The following ADIPOQ variants were observed in gnomAD, a reference collection of about 807,000 sequenced individuals.
The protein encoded by ADIPOQ is adiponectin.
ADIPOQ carries 19 observed loss-of-function variants against 16.1 expected under a neutral mutation model. The ratio of observed to expected loss-of-function variants is 1.18; its 90% CI spans 0.82 to 1.73. ADIPOQ has a LOEUF of 1.73. Among genes scored for constraint, ADIPOQ ranks in the 40% most tolerant of loss-of-function variants. ADIPOQ has a pLI of 0.00. For missense variants in ADIPOQ, 323 were observed against 308.3 expected (o/e 1.05, Z -0.36); for synonymous variants, 124 against 125.5 (o/e 0.99, Z 0.08).
intron 1 of ADIPOQ, among the ~76,000 whole-genome samples, chr3:186,842,994 C>T (rs896249301): frequency 1.3e-5 from 2 of 152,160 alleles, no homozygotes; most frequent in Non-Finnish European, 2.9e-5. Flanking sequence ...CTGAATTTTG[C>T]CCAGTTCGCT....
chr3:186,854,799 A>G lies in ADIPOQ; in HGVS notation c.*95A>G. ...AGGAAGTTGATTATTATTTAGTTGG[A>G]GGCCTTTAGATATTATTCATTCATT... is the stretch of plus-strand genomic sequence containing the variant. On this transcript the variant is annotated 3_prime_UTR_variant, in exon 3 of 3. Transcript: ENST00000320741. The G allele has an allele frequency of 6.8e-7, 1 of 1,480,992 alleles. No homozygotes were observed. The highest frequency in any genetic ancestry group is 1.2e-5 in the South Asian group (1 of 86,866). 91.7% of individuals were successfully genotyped at this position (1,480,992 alleles called of 1,614,324 possible). A position where few individuals can be genotyped will look rare whatever the true frequency, so the allele number is the denominator to read the frequency against.
At chr3:186,853,550 A>G (rs1268487436) in intron 2 of ADIPOQ, among the ~76,000 whole-genome samples, 1 of 152,018 alleles carries the variant, frequency 6.6e-6, no homozygotes, top group African/African-American at 2.4e-5. Flanking sequence ...TCATATTCTG[A>G]TTCCTCTTTC....
intron 1 of ADIPOQ, among the ~76,000 whole-genome samples, chr3:186,848,714 A>G (rs1711653216): frequency 6.6e-6 from 1 of 152,226 alleles, no homozygotes; most frequent in Non-Finnish European, 1.5e-5. Context: ...AGAGCGCAAG[A>G]TGCTAGCGAC....
intron 1 of ADIPOQ, among the ~76,000 whole-genome samples, chr3:186,844,197 T>C (rs903311279): frequency 2.6e-5 from 4 of 151,730 alleles, no homozygotes; most frequent in Non-Finnish European, 5.9e-5. Flanking sequence ...TCTTGAGGAG[T>C]CTTTTTTTGG....
Position 186,853,037 on chromosome 3 carries a change from C to A in ADIPOQ, c.-8-14C>A. ...CTGTCTCTCCATGGCTGACAGTGCA[C>A]ATGTGGATTCCAGGGCTCAGGATGC... On this transcript the variant is annotated splice_polypyrimidine_tract_variant and intron_variant, in intron 1 of 2. Transcript: ENST00000320741. 6.2e-7 allele frequency: 1 copy of A among 1,613,994 alleles called. No homozygotes were observed. Among genetic ancestry groups the A allele is most frequent in the South Asian group, 1.1e-5 (1 of 91,050 alleles).
chr3:186,851,032 G>A (rs575514317), intron 1 of ADIPOQ, among the ~76,000 whole-genome samples: 34 of 152,286 alleles, frequency 2.2e-4, no homozygotes, highest in African/African-American at 8.2e-4. Flanking sequence ...GGGCATAGGA[G>A]TGGGATTCCA....
rs986882154 is a variant in ADIPOQ, at chr3:186,857,231, A to G, written c.*2527A>G. The G allele has an allele frequency of 2.6e-5, 4 of 152,218 alleles. No individual in the cohort carries two copies. The highest frequency in any genetic ancestry group is 2.6e-4 in the Admixed American group (4 of 15,284). 9.4% of individuals were successfully genotyped at this position (152,218 alleles called of 1,614,324 possible). A position where few individuals can be genotyped will look rare whatever the true frequency, so the allele number is the denominator to read the frequency against. On this transcript the variant is annotated 3_prime_UTR_variant, in exon 3 of 3. Transcript: ENST00000320741. ...TGAGTTGTGTGCCTGTTTCTGACCAATCACTGAGTCAGGAGGATGAAATAT... is the reference window on the plus strand; with the variant it reads ...TGAGTTGTGTGCCTGTTTCTGACCAGTCACTGAGTCAGGAGGATGAAATAT...
At chr3:186,854,113 T>C in intron 2 of ADIPOQ, 71 bp from the exon 3 acceptor site, 2 of 1,524,640 alleles carry the variant, frequency 1.3e-6, no homozygotes, top group Admixed American at 4.1e-5. Flanking sequence ...ACAGGGATGG[T>C]AATTTAGGCT....
In ADIPOQ at chr3:186,853,005, G is replaced by T. The variant is rs567259133; in HGVS notation, c.-8-46G>T. ...TTGTAGGTCCCAACTGGGTGTGTGTGTGGGGTCTGTCTCTCCATGGCTGAC... is the reference window on the plus strand; with the variant it reads ...TTGTAGGTCCCAACTGGGTGTGTGTTTGGGGTCTGTCTCTCCATGGCTGAC... On this transcript the variant is annotated intron_variant, in intron 1 of 2. Coordinates refer to ENST00000320741, the MANE Select transcript of ADIPOQ (RefSeq NM_004797.4). 4.4e-6 allele frequency: 7 copies of T among 1,601,302 alleles called. No homozygotes were observed. The African/African-American group carries it at 5.4e-5, about 12-fold the overall frequency.
chr3:186,848,442 ACGATCC>A (rs1711644844), intron 1 of ADIPOQ, among the ~76,000 whole-genome samples: 1 of 152,092 alleles, frequency 6.6e-6, no homozygotes. Context: ...GATTAAGGAA[ACGATCC>A]CTGAGAGACT....
chr3:186,854,106 G>C lies in ADIPOQ; in HGVS notation c.215-78G>C, dbSNP rs1021369871. On this transcript the variant is annotated intron_variant, in intron 2 of 2. Coordinates refer to ENST00000320741, the MANE Select transcript of ADIPOQ (RefSeq NM_004797.4). ...AAGAAGGTTGTGAGTGGGAGCCACA[G>C]GGATGGTAATTTAGGCTGTAACCAA... 1.5e-4 allele frequency: 222 copies of C among 1,497,176 alleles called. 1 individual carries two copies. Among genetic ancestry groups the C allele is most frequent in the Admixed American group, 4.4e-4 (21 of 47,518 alleles). The allele number at this position is 1,497,176 out of a possible 1,614,324, so 92.7% of individuals were successfully genotyped here.
chr3:186,847,896 G>A (rs1711620100), intron 1 of ADIPOQ, among the ~76,000 whole-genome samples: 2 of 152,164 alleles, frequency 1.3e-5, no homozygotes, highest in African/African-American at 4.8e-5. Context: ...AACAGGCCGG[G>A]CGCAGTGGCT....
In ADIPOQ at chr3:186,854,254, G is replaced by C. The variant is rs377233537; in HGVS notation, c.285G>C (p.Pro95=). The C allele has an allele frequency of 6.2e-7, 1 of 1,613,678 alleles. No individual in the cohort carries two copies. Among genetic ancestry groups the C allele is most frequent in the Admixed American group, 1.7e-5 (1 of 60,016 alleles). Residue 95 remains proline (P), a synonymous_variant, in exon 3 of 3, where the codon CCG becomes CCC. Coordinates refer to ENST00000320741, the MANE Select transcript of ADIPOQ (RefSeq NM_004797.4). ...GGGCTGAAGGTCCCCGAGGCTTTCCGGGAATCCAAGGCAGGAAAGGAGAAC... is the reference window on the plus strand; with the variant it reads ...GGGCTGAAGGTCCCCGAGGCTTTCCCGGAATCCAAGGCAGGAAAGGAGAAC... ...VPGAEGPRGF[P]GIQGRKGEPG...
intron 2 of ADIPOQ, 57 bp from the exon 3 acceptor site, chr3:186,854,127 A>G: frequency 1.1e-5 from 18 of 1,574,760 alleles, no homozygotes; most frequent in Non-Finnish European, 1.4e-5. Flanking sequence ...TTAGGCTGTA[A>G]CCAACCTAGG....
rs374215428 is a variant in ADIPOQ, at chr3:186,854,883, T to TC, written c.*182dup. ...ACTTTAAAAAAATCATATGCTATGT[T>TC]CCCAGTCCTGGGGAGCTTCACAAAC... On this transcript the variant is annotated 3_prime_UTR_variant, in exon 3 of 3. Coordinates refer to ENST00000320741, the MANE Select transcript of ADIPOQ (RefSeq NM_004797.4). The TC allele has an allele frequency of 9.5e-4, 862 of 911,342 alleles. 10 individuals carry two copies. In the African/African-American group the frequency reaches 0.013, roughly 14 times the overall value. The allele number at this position is 911,342 out of a possible 1,614,324, so 56.5% of individuals were successfully genotyped here.
chr3:186,843,888 G>A (rs1190737731), intron 1 of ADIPOQ, among the ~76,000 whole-genome samples: 7 of 152,154 alleles, frequency 4.6e-5, no homozygotes, highest in African/African-American at 1.7e-4. Flanking sequence ...GAAGGTTAGA[G>A]TGGGAGGGAT....
intron 1 of ADIPOQ, 126 bp from the exon 2 acceptor site, chr3:186,852,925 G>A: frequency 1.0e-6 from 1 of 962,350 alleles, no homozygotes; most frequent in Non-Finnish European, 1.6e-6. Flanking sequence ...TGGAAAAGTT[G>A]AATACTTAGA....
At chr3:186,853,961 T>C in intron 2 of ADIPOQ, 2 of 559,244 alleles carry the variant, frequency 3.6e-6, no homozygotes, top group Non-Finnish European at 6.3e-6. Context: ...GATAGAGACC[T>C]ATAGGAGATA....
chr3:186,843,680 A>G (rs1395117489), intron 1 of ADIPOQ, among the ~76,000 whole-genome samples: 2 of 151,606 alleles, frequency 1.3e-5, no homozygotes, highest in African/African-American at 2.4e-5. Flanking sequence ...AAAAAAAGAA[A>G]GAAAAGAAAA....
Sources: allele counts gnomAD v4.1 joint callset (sites outside exome capture counted in the v4.1 genomes callset), GRCh38; gene constraint gnomAD v4.1.1; transcripts MANE v1.5; gene names NCBI Gene and HGNC (gene_info 2026-07-23, HGNC 2026-07-21).